Variants in FSIP2 observed in about 807,000 individuals in gnomAD.
FSIP2 encodes fibrous sheath-interacting protein 2.
A neutral mutation model predicts 510.5 loss-of-function variants in FSIP2; 367 were observed. The observed-to-expected ratio is 0.72, with a 90% CI of 0.66 to 0.78. FSIP2 has a LOEUF of 0.78. Ranked by LOEUF, FSIP2 falls within the 30% of genes least tolerant of loss-of-function variation. The probability of loss-of-function intolerance (pLI) is 0.00; values close to 1 mark genes in which losing one functional copy is unlikely to be tolerated. For synonymous variants in FSIP2, 2,601 were observed against 2,732.2 expected, an observed-to-expected ratio of 0.95 and a Z score of 1.50; for missense variants, 7,594 against 7,901.7, an observed-to-expected ratio of 0.96 and a Z score of 1.48.
chr2:185,767,346 T>TA (rs960599959), intron 13 of FSIP2, among the ~76,000 whole-genome samples: 13 of 151,108 alleles, frequency 8.6e-5, no homozygotes, highest in East Asian at 3.9e-4. Flanking sequence ...AAATAAAAAA[T>TA]AAAAAAAAGA....
Position 185,790,599 on chromosome 2 carries a change from G to A in FSIP2, c.3463G>A (p.Asp1155Asn), listed in dbSNP as rs1693098570. The A allele has an allele frequency of 2.0e-6, 3 of 1,534,054 alleles. No homozygotes were observed. Among genetic ancestry groups the A allele is most frequent in the African/African-American group, 1.4e-5 (1 of 73,010 alleles). Reference sequence around the variant, plus strand: ...AGGACTGTCACATCAAGAATGGATAGACCAGATGTTTTCTGTTTCAGAAAT... The same window carrying A: ...AGGACTGTCACATCAAGAATGGATAAACCAGATGTTTTCTGTTTCAGAAAT... ...PQGLSHQEWIDQMFSVSEIST... is the reference protein window; with the variant it reads ...PQGLSHQEWINQMFSVSEIST... Residue 1155 changes from aspartate (D) to asparagine (N), a missense_variant, in exon 16 of 23, where the codon GAC becomes AAC. Asp to Asn is a conservative substitution (Grantham distance 23). Transcript: ENST00000424728.
intron 19 of FSIP2, among the ~76,000 whole-genome samples, chr2:185,823,550 G>C (rs906247984): frequency 6.6e-6 from 1 of 151,348 alleles, no homozygotes; most frequent in Non-Finnish European, 1.5e-5. Context: ...GGGAGGGAGG[G>C]ACAGAAGGAA....
Position 185,738,989 on chromosome 2 carries a change from G to C in FSIP2, c.95G>C (p.Arg32Thr). Residue 32 changes from arginine to threonine, a missense_variant, in exon 1 of 23, where the codon AGA becomes ACA. Transcript: ENST00000424728. ...CTGGCCGCGGACACCCAGCAGTGCA[G>C]AGACGTGAGTGGCCGCAAGCTGGGC... The part of the protein sequence containing the change: ...SVLAADTQQC[R>T]DGVHKTHFAG... 3 of 1,532,814 alleles carry C rather than the reference G, an allele frequency of 2.0e-6. No homozygotes were observed. The highest frequency in any genetic ancestry group is 2.6e-6 in the Non-Finnish European group (3 of 1,146,268). The allele number at this position is 1,532,814 out of a possible 1,614,324, so 95.0% of individuals were successfully genotyped here. A position where few individuals can be genotyped will look rare whatever the true frequency, so the allele number is the denominator to read the frequency against.
chr2:185,784,532 A>G (rs1169941138), intron 14 of FSIP2, among the ~76,000 whole-genome samples: 1 of 152,146 alleles, frequency 6.6e-6, no homozygotes, highest in Admixed American at 6.5e-5. Flanking sequence ...AGAGAGAAGT[A>G]GTCACAGATC....
In FSIP2 at chr2:185,800,786, C is replaced by T; in HGVS notation, c.11480C>T (p.Ala3827Val). 6.5e-7 allele frequency: 1 copy of T among 1,534,096 alleles called. No homozygotes were observed. Among genetic ancestry groups the T allele is most frequent in the Non-Finnish European group, 8.7e-7 (1 of 1,145,506 alleles). The change falls in exon 17 of 23, where the codon GCA becomes GTA. Residue 3827 changes from alanine (A) to valine (V), a missense_variant. Ala to Val is a moderately conservative substitution (Grantham distance 64, BLOSUM62 0). Transcript: ENST00000424728. ...DYMSDLLENV[A>V]EIDQDLLTSD... ...ATGTCAGACCTTTTGGAGAATGTGGCAGAAATTGATCAAGACTTATTGACA... is the reference window on the plus strand; with the variant it reads ...ATGTCAGACCTTTTGGAGAATGTGGTAGAAATTGATCAAGACTTATTGACA...
chr2:185,776,989 G>A (rs1284088386), intron 13 of FSIP2, among the ~76,000 whole-genome samples: 2 of 152,272 alleles, frequency 1.3e-5, no homozygotes, highest in African/African-American at 4.8e-5. Context: ...CTCCCAAAGT[G>A]CTGTGATTAC....
rs201343497 is a variant in FSIP2 at position 185,763,163 on chromosome 2, G to A, written c.1241-20G>A. 5,329 of 1,060,424 alleles carry A rather than the reference G, an allele frequency of 5.0e-3. 23 individuals are homozygous for A. Among genetic ancestry groups the A allele is most frequent in the Non-Finnish European group, 6.4e-3 (4,591 of 714,260 alleles). 65.7% of individuals were successfully genotyped at this position (1,060,424 alleles called of 1,614,324 possible). ...GCAATATCAGCTTCTCATATTTAAA[G>A]TTATCTCTTCTTTCTCTAGGAGGTA... On this transcript the variant is annotated intron_variant, in intron 11 of 22. Transcript: ENST00000424728.
chr2:185,829,629 A>G (rs1486783224), intron 21 of FSIP2, among the ~76,000 whole-genome samples: 4 of 152,090 alleles, frequency 2.6e-5, no homozygotes, highest in Middle Eastern at 6.8e-3. Context: ...ATGAAGCTGC[A>G]TGGCAGTAGC....
In FSIP2 at chr2:185,803,675, C is replaced by G; in HGVS notation, c.14369C>G (p.Ser4790Ter). Residue 4790 changes from serine to a stop codon, truncating the protein, a stop_gained, in exon 17 of 23, where the codon TCA becomes TGA. Transcript: ENST00000424728. LOFTEE classifies it high-confidence loss of function. ...TCAACAATGTATACCACTATGTTAT[C>G]ACATAGTCATTTGGAAAAAATAGTT... The part of the protein sequence containing the change: ...QASTMYTTML[S>*]HSHLEKIVTQ... 1 of 1,525,708 alleles carries G rather than the reference C, an allele frequency of 6.6e-7. No homozygotes were observed. The highest frequency in any genetic ancestry group is 8.8e-7 in the Non-Finnish European group (1 of 1,138,542). The allele number at this position is 1,525,708 out of a possible 1,614,324, so 94.5% of individuals were successfully genotyped here.
chr2:185,785,991 T>C (rs1692963211), intron 14 of FSIP2, among the ~76,000 whole-genome samples: 1 of 151,878 alleles, frequency 6.6e-6, no homozygotes, highest in African/African-American at 2.4e-5. Flanking sequence ...GTTGGAAGTA[T>C]AAGGATCAGA....
Position 185,744,325 on chromosome 2 carries a change from G to A in FSIP2, c.391G>A (p.Val131Ile), listed in dbSNP as rs562668559. Residue 131 changes from valine (V) to isoleucine (I), a missense_variant, in exon 4 of 23, where the codon GTA becomes ATA. By Grantham distance (29) the Val-to-Ile change is conservative (BLOSUM62 3). Transcript: ENST00000424728. ...GGYITSNNKV[V>I]CTLRELNKYR... ...CTGTTTTCATTTTTGTTTGTAGGTT[G>A]TATGTACCTTGAGAGAATTGAATAA... 1 of 1,098,580 alleles carries A rather than the reference G, an allele frequency of 9.1e-7. No homozygotes were observed. The highest frequency in any genetic ancestry group is 2.2e-4 in the Middle Eastern group (1 of 4,584). 68.1% of individuals were successfully genotyped at this position (1,098,580 alleles called of 1,614,324 possible).
chr2:185,749,788 G>C (rs1692106888), intron 7 of FSIP2, among the ~76,000 whole-genome samples: 1 of 151,590 alleles, frequency 6.6e-6, no homozygotes, highest in Non-Finnish European at 1.5e-5. Context: ...TTAGGGTTAG[G>C]TATGGGTTTT....
Position 185,800,284 on chromosome 2 carries a change from T to C in FSIP2, c.10978T>C (p.Ser3660Pro). Reference protein sequence around the residue: ...RQASPRDWQFSTQQIGQLFQK... With the variant: ...RQASPRDWQFPTQQIGQLFQK... ...GGCAAGCCCCAGAGACTGGCAATTT[T>C]CTACTCAACAAATTGGTCAACTTTT... Residue 3660 changes from serine to proline, a missense_variant, in exon 17 of 23, where the codon TCT (serine) becomes CCT (proline). Coordinates refer to ENST00000424728, the MANE Select transcript of FSIP2 (RefSeq NM_173651.4). 6.5e-7 allele frequency: 1 copy of C among 1,534,242 alleles called. No individual in the cohort carries two copies. The highest frequency in any genetic ancestry group is 8.7e-7 in the Non-Finnish European group (1 of 1,145,666).
Position 185,802,691 on chromosome 2 carries a change from C to T in FSIP2, c.13385C>T (p.Thr4462Ile), listed in dbSNP as rs896820111. 2.4e-5 allele frequency: 37 copies of T among 1,529,186 alleles called. No individual in the cohort carries two copies. The highest frequency in any genetic ancestry group is 3.0e-5 in the Non-Finnish European group (34 of 1,143,900). The allele number at this position is 1,529,186 out of a possible 1,614,324, so 94.7% of individuals were successfully genotyped here. A position where few individuals can be genotyped will look rare whatever the true frequency, so the allele number is the denominator to read the frequency against. The change falls in exon 17 of 23, where the codon ACC becomes ATC. Residue 4462 changes from threonine (T) to isoleucine (I), a missense_variant. By Grantham distance (89) the Thr-to-Ile change is moderately conservative (BLOSUM62 -1). Transcript: ENST00000424728. The part of the protein sequence containing the change: ...EPSQSVPLYN[T>I]LLPYTFLEDM... Reference sequence around the variant, plus strand: ...AGCCAGAGTGTACCTCTATATAACACCTTGCTGCCATACACATTTTTAGAA... The same window carrying T: ...AGCCAGAGTGTACCTCTATATAACATCTTGCTGCCATACACATTTTTAGAA...
In FSIP2 at chr2:185,833,115, A is replaced by G; in HGVS notation, c.20613A>G (p.Lys6871=). The G allele has an allele frequency of 6.2e-7, 1 of 1,610,974 alleles. No homozygotes were observed. The highest frequency in any genetic ancestry group is 8.5e-7 in the Non-Finnish European group (1 of 1,178,100). ...ISETPKPDVS[K]QGSKMLTKMS... ...AAACTCCCAAGCCCGATGTCTCCAA[A>G]CAAGGATCTAAAATGCTGACAAAAA... Residue 6871 remains lysine (K), a synonymous_variant, in exon 23 of 23, where the codon AAA becomes AAG. Coordinates refer to ENST00000424728, the MANE Select transcript of FSIP2 (RefSeq NM_173651.4).
In FSIP2 at chr2:185,806,812, T is replaced by C. The variant is rs1257724573; in HGVS notation, c.17506T>C (p.Leu5836=). Reference sequence around the variant, plus strand: ...TGCTATGAAACTCATCAATTCACTGTTAAAGGAGTTCTCAGATGCTCAAAT... The same window carrying C: ...TGCTATGAAACTCATCAATTCACTGCTAAAGGAGTTCTCAGATGCTCAAAT... ...DTAMKLINSL[L]KEFSDAQIKV... The change falls in exon 17 of 23, where the codon TTA becomes CTA. Residue 5836 remains leucine, a synonymous_variant. Transcript: ENST00000424728. 1 of 1,611,422 alleles carries C rather than the reference T, an allele frequency of 6.2e-7. No homozygotes were observed. Among genetic ancestry groups the C allele is most frequent in the Non-Finnish European group, 8.5e-7 (1 of 1,178,662 alleles).
At chr2:185,786,310 G>A (rs201690018) in intron 15 of FSIP2, 22 bp downstream of exon 15, 177 of 1,492,378 alleles carry the variant, frequency 1.2e-4, no homozygotes, top group Admixed American at 4.1e-4. Flanking sequence ...AAAATCCACC[G>A]AGAAAGCAAC....
At position 185,802,090 on chromosome 2, in the gene FSIP2, T is replaced by C. The variant is rs1340387113; in HGVS notation, c.12784T>C (p.Phe4262Leu). The C allele has an allele frequency of 6.5e-7, 1 of 1,533,360 alleles. No individual in the cohort carries two copies. Among genetic ancestry groups the C allele is most frequent in the Non-Finnish European group, 8.7e-7 (1 of 1,145,106 alleles). 95.0% of individuals were successfully genotyped at this position (1,533,360 alleles called of 1,614,324 possible). The change falls in exon 17 of 23, where the codon TTT becomes CTT. Residue 4262 changes from phenylalanine to leucine, a missense_variant. Phe to Leu is a conservative substitution (Grantham distance 22, BLOSUM62 0). Transcript: ENST00000424728. ...GATTATCGAAAATCATCTTCAACCA[T>C]TTTTGAGTGGAGAGGTTTTATGTCA... ...QEIIENHLQP[F>L]LSGEVLCHPR...
chr2:185,805,527 T>C lies in FSIP2; in HGVS notation c.16221T>C (p.Phe5407=). The C allele has an allele frequency of 1.2e-6, 2 of 1,611,610 alleles. No individual in the cohort carries two copies. The highest frequency in any genetic ancestry group is 8.5e-7 in the Non-Finnish European group (1 of 1,178,496). Residue 5407 remains phenylalanine, a synonymous_variant, in exon 17 of 23, where the codon TTT becomes TTC. Coordinates refer to ENST00000424728, the MANE Select transcript of FSIP2 (RefSeq NM_173651.4). ...LFSGDWSSTF[F]SFLNPDNITQ... ...CAGGAGACTGGTCTTCCACCTTCTT[T>C]TCATTTCTAAATCCAGATAATATCA...
Sources: gnomAD v4.1 joint callset for allele counts (sites outside exome capture counted in the v4.1 genomes callset) on GRCh38, gnomAD v4.1.1 for gene constraint, MANE v1.5 for transcripts, NCBI Gene and HGNC (gene_info 2026-07-23, HGNC 2026-07-21) for gene names.